The following PML variants were observed in gnomAD, a reference collection of about 807,000 sequenced individuals.
PML encodes PML nuclear body scaffold, also known as protein PML.
PML carries 28 observed loss-of-function variants against 65.2 expected under a neutral mutation model. That is an observed-to-expected ratio of 0.43 (90% confidence interval 0.32 to 0.59). The LOEUF is 0.59. Among genes scored for constraint, PML ranks in the 20% least tolerant of loss-of-function variants. The probability of loss-of-function intolerance (pLI) is 0.08; values close to 1 mark genes in which losing one functional copy is unlikely to be tolerated. For missense variants in PML, 1,021 were observed against 1,203.4 expected (o/e 0.85, Z 2.24); for synonymous variants, 500 against 508.8 (o/e 0.98, Z 0.23).
chr15:74,043,108 G>A lies in PML; in HGVS notation c.1830G>A (p.Leu610=). 6.2e-7 allele frequency: 1 copy of A among 1,613,498 alleles called. No homozygotes were observed. Among genetic ancestry groups the A allele is most frequent in the Non-Finnish European group, 8.5e-7 (1 of 1,179,914 alleles). ...LADPQAEDRP[L]VFFDLKIDNE... is the part of the protein sequence containing the mutation. The stretch of plus-strand genomic sequence containing the variant: ...ACCCCCAAGCAGAAGACAGACCTCT[G>A]GTTTTCTTTGACCTCAAGATTGACA... The change falls in exon 8 of 9, where the codon CTG becomes CTA. Residue 610 remains leucine (L), a synonymous_variant. Coordinates refer to ENST00000268058, the MANE Select transcript of PML (RefSeq NM_033238.3). The surrounding 1 kb of genome is among the most constrained non-coding windows in gnomAD (Gnocchi z 4.3).
intron 2 of PML, among the ~76,000 whole-genome samples, chr15:74,020,869 A>G (rs1167923011): frequency 2.0e-5 from 3 of 152,054 alleles, no homozygotes; most frequent in Admixed American, 6.6e-5. Flanking sequence ...ATCACATCAC[A>G]TCTCCTCTCA....
At position 74,033,270 on chromosome 15, in the gene PML, TCC is replaced by T; in HGVS notation, c.1516_1517del (p.Pro506GlyfsTer21). The T allele has an allele frequency of 6.2e-7, 1 of 1,614,010 alleles. No homozygotes were observed. The highest frequency in any genetic ancestry group is 8.5e-7 in the Non-Finnish European group (1 of 1,179,980). On this transcript the variant is annotated frameshift_variant, in exon 6 of 9. Coordinates refer to ENST00000268058, the MANE Select transcript of PML (RefSeq NM_033238.3). LOFTEE classifies it high-confidence loss of function. Reference sequence around the variant, plus strand: ...GAAGGAGGCAAGGTTGGCTCGGAGCTCCCCGGAGCAGCCCAGGCCCAGCACCT... The same window carrying T: ...GAAGGAGGCAAGGTTGGCTCGGAGCTCCGGAGCAGCCCAGGCCCAGCACCT... ...EGKEARLARS[S>X]PEQPRPSTSK...
chr15:73,998,330 C>G lies in PML; in HGVS notation c.456C>G (p.Phe152Leu). 1 of 1,614,178 alleles carries G rather than the reference C, an allele frequency of 6.2e-7. No homozygotes were observed. The highest frequency in any genetic ancestry group is 8.5e-7 in the Non-Finnish European group (1 of 1,180,036). The change falls in exon 2 of 9, where the codon TTC becomes TTG. Residue 152 changes from phenylalanine (F) to leucine (L), a missense_variant. Coordinates refer to ENST00000268058, the MANE Select transcript of PML (RefSeq NM_033238.3). ...ECEQLLCAKCFEAHQWFLKHE... is the reference protein window; with the variant it reads ...ECEQLLCAKCLEAHQWFLKHE... ...AGCAGCTCCTCTGCGCCAAGTGCTT[C>G]GAGGCACACCAGTGGTTCCTCAAGC...
At chr15:74,003,428 A>T (rs1253306215) in intron 2 of PML, among the ~76,000 whole-genome samples, 1 of 152,188 alleles carries the variant, frequency 6.6e-6, no homozygotes, top group Admixed American at 6.5e-5. Flanking sequence ...GTGAAACTCC[A>T]TCTCAGAAAA....
Position 74,037,395 on chromosome 15 carries a change from C to A in PML, c.1710+2865C>A. On this transcript the variant is annotated intron_variant, in intron 7 of 8. Coordinates refer to ENST00000268058, the MANE Select transcript of PML (RefSeq NM_033238.3). The surrounding 1 kb of genome is among the most constrained non-coding windows in gnomAD (Gnocchi z 4.2). ...CCTGTGTCCTGGCCCCAGCCCTTGA[C>A]CCCCTGGGAGCCTCACTCCTCCTCC... The A allele has an allele frequency of 1.0e-6, 1 of 985,350 alleles. No homozygotes were observed. Among genetic ancestry groups the A allele is most frequent in the South Asian group, 4.7e-5 (1 of 21,282 alleles). 61.0% of individuals were successfully genotyped at this position (985,350 alleles called of 1,614,324 possible). A position where few individuals can be genotyped will look rare whatever the true frequency, so the allele number is the denominator to read the frequency against.
chr15:74,007,797 G>C (rs2070136168), intron 2 of PML, among the ~76,000 whole-genome samples: 1 of 152,126 alleles, frequency 6.6e-6, no homozygotes, highest in Non-Finnish European at 1.5e-5. Context: ...TAGGGGGTGG[G>C]GTAGAAATAT....
At chr15:74,033,524 C>T in intron 6 of PML, 110 bp downstream of exon 6, 1 of 1,124,122 alleles carries the variant, frequency 8.9e-7, no homozygotes, top group South Asian at 1.3e-5. Context: ...ACAGGAGTCC[C>T]TTATTCCCAC....
intron 7 of PML, 123 bp downstream of exon 7, chr15:74,034,653 T>C (rs762665741): frequency 9.4e-6 from 15 of 1,602,774 alleles, no homozygotes; most frequent in Admixed American, 1.7e-5. Flanking sequence ...CAGTGAGGCA[T>C]TGAGTCCCAA....
chr15:74,036,051 C>T (rs764655064), intron 7 of PML: 2 of 1,614,062 alleles, frequency 1.2e-6, no homozygotes, highest in South Asian at 1.1e-5. Context: ...CACAGAGTAG[C>T]ACTCATTAAT....
At position 74,034,506 on chromosome 15, in the gene PML, G is replaced by A. The variant is rs147120400; in HGVS notation, c.1686G>A (p.Ser562=). 297 of 1,614,132 alleles carry A rather than the reference G, an allele frequency of 1.8e-4. 1 individual carries two copies. The Middle Eastern group carries it at 2.6e-3, about 14-fold the overall frequency. Residue 562 remains serine (S), a synonymous_variant, in exon 7 of 9, where the codon TCG becomes TCA. Transcript: ENST00000268058. Reference sequence around the variant, plus strand: ...AACGCGTTGTGGTGATCAGCAGCTCGGAAGACTCAGATGCCGAAAACTCGG... The same window carrying A: ...AACGCGTTGTGGTGATCAGCAGCTCAGAAGACTCAGATGCCGAAAACTCGG... The part of the protein sequence containing the change: ...AEERVVVISS[S]EDSDAENSSS...
rs743581 is a variant in PML at position 74,035,800 on chromosome 15, G to T, written c.1710+1270G>T. On this transcript the variant is annotated intron_variant, in intron 7 of 8. Coordinates refer to ENST00000268058, the MANE Select transcript of PML (RefSeq NM_033238.3). The surrounding 1 kb of genome is among the most constrained non-coding windows in gnomAD (Gnocchi z 4.1). Reference sequence around the variant, plus strand: ...AGCAGAGCCCAGACTCTTGGAGCAGGTGTTCCCCCTGGGGACTCTGTCAGA... The same window carrying T: ...AGCAGAGCCCAGACTCTTGGAGCAGTTGTTCCCCCTGGGGACTCTGTCAGA... The T allele has an allele frequency of 0.36, 585,485 of 1,613,738 alleles. 107,662 individuals are homozygous for T. Among genetic ancestry groups the T allele is most frequent in the Admixed American group, 0.44 (26,130 of 60,010 alleles).
Position 74,042,297 on chromosome 15 carries a change from A to G in PML, c.1711-692A>G. ...TGCCAAGAGCCTCCACTGCTCTCTCACTGCCAAGGACCTGGGTGTCCACCT... is the reference window on the plus strand; with the variant it reads ...TGCCAAGAGCCTCCACTGCTCTCTCGCTGCCAAGGACCTGGGTGTCCACCT... On this transcript the variant is annotated intron_variant, in intron 7 of 8. Transcript: ENST00000268058. The surrounding 1 kb of genome is among the most constrained non-coding windows in gnomAD (Gnocchi z 5.3). 1 of 936,348 alleles carries G rather than the reference A, an allele frequency of 1.1e-6. No individual in the cohort carries two copies. The highest frequency in any genetic ancestry group is 1.3e-6 in the Non-Finnish European group (1 of 785,290). 58.0% of individuals were successfully genotyped at this position (936,348 alleles called of 1,614,324 possible).
At chr15:74,040,864 G>A (rs1380827097) in intron 7 of PML, among the ~76,000 whole-genome samples, 1 of 152,204 alleles carries the variant, frequency 6.6e-6, no homozygotes, top group East Asian at 1.9e-4. Context: ...GGCAGCTCGA[G>A]TAAGTTTAGG....
chr15:74,036,524 A>C, intron 7 of PML: 6 of 1,000,240 alleles, frequency 6.0e-6, no homozygotes, highest in Non-Finnish European at 7.6e-6. Context: ...TCTTCCTCCC[A>C]CACTCATGGG....
intron 2 of PML, among the ~76,000 whole-genome samples, chr15:74,012,591 G>A (rs1370453876): frequency 6.6e-6 from 1 of 152,182 alleles, no homozygotes; most frequent in Non-Finnish European, 1.5e-5. Flanking sequence ...ATTACAGGCA[G>A]AAGCCACCAT....
Position 74,045,650 on chromosome 15 carries a change from TTCC to T in PML, c.*647_*649del, listed in dbSNP as rs1300020617. The T allele has an allele frequency of 8.6e-6, 2 of 233,772 alleles. No individual in the cohort carries two copies. Among genetic ancestry groups the T allele is most frequent in the African/African-American group, 4.4e-5 (2 of 45,344 alleles). 14.5% of individuals were successfully genotyped at this position (233,772 alleles called of 1,614,324 possible). On this transcript the variant is annotated 3_prime_UTR_variant, in exon 9 of 9. Coordinates refer to ENST00000268058, the MANE Select transcript of PML (RefSeq NM_033238.3). ...GCCTGACCTTCCAAAGCTTGCTTCC[TTCC>T]TCCTGGCTGCACAGACACCTCTGCT...
rs1296966734 is a variant in PML at position 74,046,952 on chromosome 15, C to T, written c.*1944C>T. 1 of 229,652 alleles carries T rather than the reference C, an allele frequency of 4.4e-6. No individual in the cohort carries two copies. The highest frequency in any genetic ancestry group is 8.6e-6 in the Non-Finnish European group (1 of 115,858). 14.2% of individuals were successfully genotyped at this position (229,652 alleles called of 1,614,324 possible). Reference sequence around the variant, plus strand: ...GCTGAGAGCCCTTTGTTGCTCAATGCTGTGAGCCTTAAGCATGTGAATCCC... The same window carrying T: ...GCTGAGAGCCCTTTGTTGCTCAATGTTGTGAGCCTTAAGCATGTGAATCCC... On this transcript the variant is annotated 3_prime_UTR_variant, in exon 9 of 9. Transcript: ENST00000268058.
chr15:74,038,534 A>G (rs1431717453), intron 7 of PML, among the ~76,000 whole-genome samples: 1 of 152,080 alleles, frequency 6.6e-6, no homozygotes, highest in African/African-American at 2.4e-5. Flanking sequence ...GAAAATATAT[A>G]TTTTAAAACC....
At position 74,023,354 on chromosome 15, in the gene PML, G is replaced by A; in HGVS notation, c.1129G>A (p.Asp377Asn). Residue 377 changes from aspartate to asparagine, a missense_variant, in exon 3 of 9, where the codon GAC becomes AAC. Coordinates refer to ENST00000268058, the MANE Select transcript of PML (RefSeq NM_033238.3). ...AGCTGCCGTGCGCACCGATGGCTTC[G>A]ACGAGTTCAAGGTGCGCCTGCAGGA... The part of the protein sequence containing the change: ...LQAAVRTDGF[D>N]EFKVRLQDLS... 3 of 1,602,458 alleles carry A rather than the reference G, an allele frequency of 1.9e-6. No homozygotes were observed. The highest frequency in any genetic ancestry group is 1.3e-5 in the African/African-American group (1 of 75,060).
Sources: gnomAD v4.1 joint callset for allele counts (sites outside exome capture counted in the v4.1 genomes callset) on GRCh38, gnomAD v4.1.1 for gene constraint, Gnocchi (gnomAD v3.1) non-coding constraint, MANE v1.5 for transcripts, NCBI Gene and HGNC (gene_info 2026-07-23, HGNC 2026-07-21) for gene names.